The following DBT variants were observed in gnomAD, a reference collection of about 807,000 sequenced individuals.
DBT encodes dihydrolipoamide branched chain transacylase E2.
Under a neutral mutation model 51.3 loss-of-function variants are expected in DBT, and 40 were observed. The observed-to-expected ratio is 0.78, with a 90% CI of 0.61 to 1.02. The LOEUF (loss-of-function observed/expected upper bound fraction) is 1.02. DBT is among the 50% of genes least tolerant of loss of function. DBT has a pLI of 0.00. For synonymous variants in DBT, 181 were observed against 190.4 expected (o/e 0.95, Z 0.41); for missense variants, 510 against 580.2 (o/e 0.88, Z 1.24).
chr1:100,241,953 A>G (rs1664248797), intron 1 of DBT, among the ~76,000 whole-genome samples: 2 of 151,980 alleles, frequency 1.3e-5, no homozygotes, highest in Admixed American at 6.6e-5. Context: ...TGCGGGAGGC[A>G]GAGGTTGCAG....
intron 10 of DBT, among the ~76,000 whole-genome samples, chr1:100,198,696 G>A (rs1661246636): frequency 6.6e-6 from 1 of 152,190 alleles, no homozygotes; most frequent in Admixed American, 6.5e-5. Context: ...TCAGAGAACT[G>A]ATTTGGAAAT....
At chr1:100,199,724 C>G (rs981722891) in intron 10 of DBT, among the ~76,000 whole-genome samples, 1 of 152,122 alleles carries the variant, frequency 6.6e-6, no homozygotes, top group Non-Finnish European at 1.5e-5. Flanking sequence ...ACTGGTTAGA[C>G]AGTGGGTGCA....
Position 100,196,142 on chromosome 1 carries a change from C to T in DBT, c.*113G>A. ...AAATATTGTGCCTTAGATCCTTAATCATACGATACAAATCATTTACAATAT... is the reference window on the plus strand; with the variant it reads ...AAATATTGTGCCTTAGATCCTTAATTATACGATACAAATCATTTACAATAT... On this transcript the variant is annotated 3_prime_UTR_variant, in exon 11 of 11. Coordinates refer to ENST00000370132, the MANE Select transcript of DBT (RefSeq NM_001918.5). The T allele has an allele frequency of 1.0e-6, 1 of 957,924 alleles. No individual in the cohort carries two copies. The highest frequency in any genetic ancestry group is 1.7e-6 in the Non-Finnish European group (1 of 602,760). The allele number at this position is 957,924 out of a possible 1,614,324, so 59.3% of individuals were successfully genotyped here. A position where few individuals can be genotyped will look rare whatever the true frequency, so the allele number is the denominator to read the frequency against.
chr1:100,222,506 C>T lies in DBT; in HGVS notation c.434-3759G>A, dbSNP rs555793921. Among the ~76,000 whole-genome samples the T allele has an allele frequency of 6.0e-4, 92 of 152,296 alleles. 2 individuals carry two copies. The South Asian group carries it at 7.7e-3, about 13-fold the overall frequency. On this transcript the variant is annotated intron_variant, in intron 4 of 10. Coordinates refer to ENST00000370132, the MANE Select transcript of DBT (RefSeq NM_001918.5). ...GCATGGGCTTTCACATTAAACAGAG[C>T]TGAGGTCAAATCCTAACTCCACCAC...
intron 1 of DBT, 97 bp from the exon 2 acceptor site, chr1:100,240,981 A>G: frequency 8.5e-7 from 1 of 1,183,364 alleles, no homozygotes; most frequent in Non-Finnish European, 1.2e-6. Flanking sequence ...CTAAAAGTAG[A>G]ACCATTGTCA....
At chr1:100,249,628 CT>C (rs1664796830) in intron 1 of DBT, 141 bp downstream of exon 1, 1 of 855,944 alleles carries the variant, frequency 1.2e-6, no homozygotes, top group Non-Finnish European at 2.0e-6. Context: ...GTTCTCTGCC[CT>C]TTATTTTGCA....
intron 10 of DBT, among the ~76,000 whole-genome samples, chr1:100,201,229 AAC>A (rs1287774403): frequency 3.3e-5 from 5 of 152,210 alleles, no homozygotes; most frequent in Admixed American, 3.3e-4. Flanking sequence ...GGAGGTGAAA[AAC>A]ACAGCATGAG....
intron 4 of DBT, 47 bp downstream of exon 4, chr1:100,230,684 AAG>A: frequency 7.7e-7 from 1 of 1,300,318 alleles, no homozygotes; most frequent in Non-Finnish European, 1.1e-6. Flanking sequence ...CAATGACAAA[AAG>A]AGACCAATAA....
chr1:100,190,032 TTAAA>T lies in DBT; in HGVS notation c.*6219_*6222del, dbSNP rs1376027426. ...GATTAATTAAAATTAAAATTTAAAT[TTAAA>T]TAGCTACATGTGGCTAGAGGCTACT... On this transcript the variant is annotated 3_prime_UTR_variant, in exon 11 of 11. Transcript: ENST00000370132. 6.6e-6 allele frequency: 1 copy of T among 152,216 alleles called. No individual in the cohort carries two copies. The highest frequency in any genetic ancestry group is 1.5e-5 in the Non-Finnish European group (1 of 68,030). The allele number at this position is 152,216 out of a possible 1,614,324, so 9.4% of individuals were successfully genotyped here.
At chr1:100,242,324 T>C (rs531857003) in intron 1 of DBT, among the ~76,000 whole-genome samples, 4 of 152,276 alleles carry the variant, frequency 2.6e-5, no homozygotes, top group Admixed American at 6.5e-5. Context: ...ACTAGAATTT[T>C]TGTTTTTTTC....
intron 10 of DBT, among the ~76,000 whole-genome samples, chr1:100,205,186 A>C (rs551592011): frequency 2.5e-4 from 38 of 152,360 alleles, no homozygotes; most frequent in Non-Finnish European, 4.4e-4. Flanking sequence ...GAATGGGAGA[A>C]CATTTTTGCA....
intron 4 of DBT, among the ~76,000 whole-genome samples, chr1:100,222,177 T>C (rs1662888128): frequency 6.6e-6 from 1 of 152,242 alleles, no homozygotes; most frequent in African/African-American, 2.4e-5. Context: ...GAGCACCTAC[T>C]ATGCCTAGCA....
rs1273697267 is a variant in DBT at position 100,189,712 on chromosome 1, G to T, written c.*6543C>A. 1 of 152,132 alleles carries T rather than the reference G, an allele frequency of 6.6e-6. No homozygotes were observed. The allele number at this position is 152,132 out of a possible 1,614,324, so 9.4% of individuals were successfully genotyped here. A position where few individuals can be genotyped will look rare whatever the true frequency, so the allele number is the denominator to read the frequency against. ...TTTATTCATTTAGTGGCAGTCAGAG[G>T]TAACAATATAAGAAAAGCATTCTGA... On this transcript the variant is annotated 3_prime_UTR_variant, in exon 11 of 11. Transcript: ENST00000370132.
At chr1:100,246,896 T>C (rs1252609367) in intron 1 of DBT, among the ~76,000 whole-genome samples, 5 of 152,006 alleles carry the variant, frequency 3.3e-5, no homozygotes, top group African/African-American at 9.7e-5. Flanking sequence ...GACGGATGAG[T>C]AGGTGTAACC....
At position 100,187,057 on chromosome 1, in the gene DBT, C is replaced by T. The variant is rs1419447992; in HGVS notation, c.*9198G>A. 6.6e-6 allele frequency: 1 copy of T among 152,158 alleles called. No individual in the cohort carries two copies. Among genetic ancestry groups the T allele is most frequent in the East Asian group, 1.9e-4 (1 of 5,202 alleles). 9.4% of individuals were successfully genotyped at this position (152,158 alleles called of 1,614,324 possible). ...TAAATAACCAATTTCATTTAGCAAA[C>T]AAAATACAAGTAAACAAAACACAAC... is the stretch of plus-strand genomic sequence containing the variant. On this transcript the variant is annotated 3_prime_UTR_variant, in exon 11 of 11. Transcript: ENST00000370132.
chr1:100,249,457 T>A, intron 1 of DBT: 1 of 510,642 alleles, frequency 2.0e-6, no homozygotes, highest in Non-Finnish European at 3.6e-6. Flanking sequence ...TATCTCTGGA[T>A]CCACAGCGCC....
In DBT at chr1:100,203,492, T is replaced by C. The variant is rs188185665; in HGVS notation, c.1281+2738A>G. 1.3e-3 allele frequency among the ~76,000 whole-genome samples: 205 copies of C among 152,270 alleles called. 2 individuals are homozygous for C. The highest frequency in any genetic ancestry group is 3.4e-3 in the Middle Eastern group (1 of 294). Reference sequence around the variant, plus strand: ...CAACCAAACAAAGCCCAGGACCAGATAGATTAACAGCCAAATTCTACCAGA... The same window carrying C: ...CAACCAAACAAAGCCCAGGACCAGACAGATTAACAGCCAAATTCTACCAGA... On this transcript the variant is annotated intron_variant, in intron 10 of 10. Transcript: ENST00000370132.
At chr1:100,245,101 A>G (rs978544118) in intron 1 of DBT, among the ~76,000 whole-genome samples, 4 of 152,156 alleles carry the variant, frequency 2.6e-5, no homozygotes, top group Admixed American at 2.0e-4. Flanking sequence ...CTAGAATTCT[A>G]AATTTTTTTT....
At position 100,196,431 on chromosome 1, in the gene DBT, G is replaced by GAA. The variant is rs752915898; in HGVS notation, c.1282-11_1282-10dup. 3.6e-4 allele frequency: 231 copies of GAA among 648,988 alleles called. 8 individuals are homozygous for GAA. The highest frequency in any genetic ancestry group is 1.1e-3 in the African/African-American group (32 of 28,306). 40.2% of individuals were successfully genotyped at this position (648,988 alleles called of 1,614,324 possible). On this transcript the variant is annotated splice_polypyrimidine_tract_variant and intron_variant, in intron 10 of 10. Coordinates refer to ENST00000370132, the MANE Select transcript of DBT (RefSeq NM_001918.5). Reference sequence around the variant, plus strand: ...TTAAATCGGGGAATGGCCTAGAAATGAAAAAAAAAAAAAAAAAAAAAAAAA... The same window carrying GAA: ...TTAAATCGGGGAATGGCCTAGAAATGAAAAAAAAAAAAAAAAAAAAAAAAAAA...
Sources: allele counts gnomAD v4.1 joint callset (sites outside exome capture counted in the v4.1 genomes callset), GRCh38; gene constraint gnomAD v4.1.1; transcripts MANE v1.5; gene names NCBI Gene and HGNC (gene_info 2026-07-23, HGNC 2026-07-21).